Variants in MRTFA observed in about 807,000 individuals in gnomAD.
MRTFA encodes the protein myocardin related transcription factor A, also known as myocardin-related transcription factor A.
Under a neutral mutation model 83.5 loss-of-function variants are expected in MRTFA, and 20 were observed. That is an observed-to-expected ratio of 0.24 (90% confidence interval 0.17 to 0.35). The LOEUF (loss-of-function observed/expected upper bound fraction) is 0.35. Ranked by LOEUF, MRTFA falls within the 10% of genes least tolerant of loss-of-function variation. MRTFA has a pLI of 1.00. For missense variants in MRTFA, 1,200 were observed against 1,224.7 expected (o/e 0.98, Z 0.30); for synonymous variants, 659 against 541.2 (o/e 1.22, Z -3.02).
intron 2 of MRTFA, among the ~76,000 whole-genome samples, chr22:40,584,813 G>C (rs972617411): frequency 2.6e-5 from 4 of 151,842 alleles, no homozygotes; most frequent in South Asian, 2.1e-4. Flanking sequence ...GGAGGCTGAG[G>C]GGGGTGGATC....
chr22:40,551,304 G>A (rs1764942848), intron 3 of MRTFA, among the ~76,000 whole-genome samples: 1 of 152,106 alleles, frequency 6.6e-6, no homozygotes, highest in Admixed American at 6.6e-5. Context: ...TTAAAAGAAA[G>A]AGACCAGATT....
intron 3 of MRTFA, among the ~76,000 whole-genome samples, chr22:40,502,099 G>A (rs2054494577): frequency 7.0e-6 from 1 of 142,272 alleles, no homozygotes; most frequent in South Asian, 2.2e-4. Flanking sequence ...TTCCCAGTAG[G>A]GGCGGCCGGG....
chr22:40,552,148 C>G lies in MRTFA; in HGVS notation c.199G>C (p.Gly67Arg). The G allele has an allele frequency of 2.5e-6, 1 of 398,986 alleles. No homozygotes were observed. Among genetic ancestry groups the G allele is most frequent in the Non-Finnish European group, 4.4e-6 (1 of 226,070 alleles). The allele number at this position is 398,986 out of a possible 1,614,324, so 24.7% of individuals were successfully genotyped here. A position where few individuals can be genotyped will look rare whatever the true frequency, so the allele number is the denominator to read the frequency against. Residue 67 changes from glycine to arginine, a missense_variant, in exon 3 of 15, where the codon GGC (glycine) becomes CGC (arginine). By Grantham distance (125) the Gly-to-Arg change is moderately radical (BLOSUM62 -2). Coordinates refer to ENST00000355630, the MANE Select transcript of MRTFA (RefSeq NM_020831.6). ...AGTGGAGGCAAATTGGGATTCCTGC[C>G]AGGGTGGAGGCCTAGGGTCAGCTCG...
intron 3 of MRTFA, among the ~76,000 whole-genome samples, chr22:40,499,595 A>AT: frequency 6.6e-6 from 1 of 152,128 alleles, no homozygotes; most frequent in Non-Finnish European, 1.5e-5. Flanking sequence ...CTTATCTGTG[A>AT]AAAAAAAATT....
At chr22:40,425,973 C>A (rs1336997940) in intron 7 of MRTFA, among the ~76,000 whole-genome samples, 1 of 152,174 alleles carries the variant, frequency 6.6e-6, no homozygotes, top group Non-Finnish European at 1.5e-5. Flanking sequence ...TGCCTTGGAG[C>A]CCAGTGAATG....
chr22:40,621,540 C>T (rs943888756), intron 1 of MRTFA, among the ~76,000 whole-genome samples: 3 of 152,056 alleles, frequency 2.0e-5, no homozygotes, highest in East Asian at 3.8e-4. Context: ...TGGAGATGAA[C>T]GGCGGTGATG....
At position 40,418,438 on chromosome 22, in the gene MRTFA, A is replaced by T; in HGVS notation, c.2300T>A (p.Leu767His). The T allele has an allele frequency of 6.2e-7, 1 of 1,613,942 alleles. No individual in the cohort carries two copies. The highest frequency in any genetic ancestry group is 8.5e-7 in the Non-Finnish European group (1 of 1,179,914). ...ATTCTTATTGGTCACGGTGAGGACA[A>T]GGTGGGTCCCTGTGGAGTCGGTGAT... Residue 767 changes from leucine (L) to histidine (H), a missense_variant, in exon 12 of 15, where the codon CTT (leucine) becomes CAT (histidine). Leu to His is a moderately conservative substitution (Grantham distance 99). Coordinates refer to ENST00000355630, the MANE Select transcript of MRTFA (RefSeq NM_020831.6).
At chr22:40,587,113 G>A (rs2056042693) in intron 2 of MRTFA, 4 of 454,378 alleles carry the variant, frequency 8.8e-6, no homozygotes, top group Non-Finnish European at 1.3e-5. Flanking sequence ...CGTGCTTGAA[G>A]GGCTTTGGAT....
intron 11 of MRTFA, among the ~76,000 whole-genome samples, chr22:40,419,781 G>C (rs753969486): frequency 6.6e-6 from 1 of 152,214 alleles, no homozygotes; most frequent in African/African-American, 2.4e-5. Flanking sequence ...TCTCAAGGGA[G>C]AGCTTGGTCC....
At chr22:40,594,141 T>C (rs2056158498) in intron 2 of MRTFA, among the ~76,000 whole-genome samples, 4 of 152,202 alleles carry the variant, frequency 2.6e-5, no homozygotes, top group Admixed American at 1.3e-4. Context: ...CAAATCAAAC[T>C]CTAGTGGTTA....
intron 1 of MRTFA, among the ~76,000 whole-genome samples, chr22:40,596,435 T>G (rs1317143279): frequency 2.0e-5 from 3 of 152,166 alleles, no homozygotes; most frequent in Non-Finnish European, 2.9e-5. Context: ...AGGCCAGCAC[T>G]TCGGGAGGCC....
chr22:40,502,394 G>A (rs1211773860), intron 3 of MRTFA, among the ~76,000 whole-genome samples: 1 of 120,656 alleles, frequency 8.3e-6, no homozygotes, highest in African/African-American at 3.2e-5. Flanking sequence ...GGTCTCGGCC[G>A]GGCAGAGGCG....
At chr22:40,460,073 C>T (rs1013613191) in intron 4 of MRTFA, among the ~76,000 whole-genome samples, 3 of 151,512 alleles carry the variant, frequency 2.0e-5, no homozygotes, top group Middle Eastern at 3.4e-3. Context: ...CTCTCAGGCG[C>T]GCCACCATGC....
At chr22:40,534,573 G>T (rs187031714) in intron 3 of MRTFA, among the ~76,000 whole-genome samples, 3 of 152,280 alleles carry the variant, frequency 2.0e-5, no homozygotes, top group African/African-American at 7.2e-5. Flanking sequence ...TCCCACCTCA[G>T]CCTCCTGAGT....
chr22:40,595,114 G>GC (rs2056172263), intron 1 of MRTFA, among the ~76,000 whole-genome samples: 3 of 140,318 alleles, frequency 2.1e-5, no homozygotes, highest in Admixed American at 1.4e-4. Flanking sequence ...GTTGATAAAT[G>GC]CCTTTTTTTT....
rs193096147 is a variant in MRTFA, at chr22:40,613,975, G to A, written c.-83-19240C>T. Among the ~76,000 whole-genome samples the A allele has an allele frequency of 1.9e-3, 285 of 151,954 alleles. 1 individual carries two copies. The highest frequency in any genetic ancestry group is 6.3e-3 in the African/African-American group (261 of 41,466). ...AGCACTTTGGGAGGCCGAGGCGGGCGGATCACCTGAGGTTGGGAGTTTGAG... is the reference window on the plus strand; with the variant it reads ...AGCACTTTGGGAGGCCGAGGCGGGCAGATCACCTGAGGTTGGGAGTTTGAG... On this transcript the variant is annotated intron_variant, in intron 1 of 14. Transcript: ENST00000355630.
At chr22:40,542,568 C>A (rs1019337339) in intron 3 of MRTFA, among the ~76,000 whole-genome samples, 4 of 152,048 alleles carry the variant, frequency 2.6e-5, no homozygotes, top group African/African-American at 9.7e-5. Context: ...ATAATTTTTC[C>A]AACATTAAAA....
At chr22:40,632,106 G>A (rs2056647814) in intron 1 of MRTFA, among the ~76,000 whole-genome samples, 1 of 152,178 alleles carries the variant, frequency 6.6e-6, no homozygotes, top group South Asian at 2.1e-4. Context: ...TACATGCTCT[G>A]AGGCAAGCTG....
intron 3 of MRTFA, among the ~76,000 whole-genome samples, chr22:40,551,404 T>C (rs2055442366): frequency 6.6e-6 from 1 of 152,218 alleles, no homozygotes; most frequent in African/African-American, 2.4e-5. Context: ...AGTCTCATTC[T>C]GTCGTCCAGG....
Sources: allele counts gnomAD v4.1 joint callset (sites outside exome capture counted in the v4.1 genomes callset), GRCh38; gene constraint gnomAD v4.1.1; transcripts MANE v1.5; gene names NCBI Gene and HGNC (gene_info 2026-07-23, HGNC 2026-07-21).